Variants in HEPHL1 observed in about 807,000 individuals in gnomAD.
HEPHL1 encodes ferroxidase HEPHL1.
In HEPHL1, 123 loss-of-function variants were observed where a neutral mutation model predicts 122.0. The observed-to-expected ratio is 1.01, with a 90% CI of 0.87 to 1.17. The LOEUF (loss-of-function observed/expected upper bound fraction) is 1.17, where lower values mean the gene tolerates loss of function less well. HEPHL1 is among the 50% of genes most tolerant of loss of function. The pLI is 0.00. For synonymous variants in HEPHL1, 527 were observed against 508.9 expected (o/e 1.04, Z -0.48); for missense variants, 1,452 against 1,430.5 (o/e 1.01, Z -0.24).
chr11:94,104,025 G>A (rs1292294882), intron 15 of HEPHL1, among the ~76,000 whole-genome samples: 1 of 152,198 alleles, frequency 6.6e-6, no homozygotes, highest in African/African-American at 2.4e-5. Flanking sequence ...GTCCACACTT[G>A]TAACTGTAAT....
At position 94,082,554 on chromosome 11, in the gene HEPHL1, C is replaced by G. The variant is rs764831658; in HGVS notation, c.1853C>G (p.Ser618Cys). The G allele has an allele frequency of 5.0e-6, 8 of 1,610,336 alleles. No homozygotes were observed. The highest frequency in any genetic ancestry group is 6.8e-6 in the Non-Finnish European group (8 of 1,178,692). ...IDKEDKEFVK[S>C]NRMHAVNGYM... ...AAAGAAGATAAAGAGTTTGTGAAAT[C>G]CAACCGAATGCATGGTATGACAAAT... is the stretch of plus-strand genomic sequence containing the variant. The change falls in exon 10 of 20, where the codon TCC becomes TGC. Residue 618 changes from serine (S) to cysteine (C), a missense_variant. Transcript: ENST00000315765.
At chr11:94,090,417 C>T (rs1261812672) in intron 12 of HEPHL1, among the ~76,000 whole-genome samples, 1 of 152,068 alleles carries the variant, frequency 6.6e-6, no homozygotes, top group African/African-American at 2.4e-5. Flanking sequence ...AATATGAACT[C>T]CTACTTTAAG....
At chr11:94,045,186 G>A (rs1420718932) in intron 1 of HEPHL1, among the ~76,000 whole-genome samples, 1 of 152,228 alleles carries the variant, frequency 6.6e-6, no homozygotes, top group Admixed American at 6.5e-5. Context: ...GATTACAGGT[G>A]TGGACCACTA....
Position 94,075,359 on chromosome 11 carries a change from G to T in HEPHL1, c.1690G>T (p.Gly564Cys). Reference protein sequence around the residue: ...LVGPLLVCKKGVLNADGTQKG... With the variant: ...LVGPLLVCKKCVLNADGTQKG... ...AGGGCCTTTGCTAGTCTGTAAAAAG[G>T]GCGTCCTCAATGCTGATGGGACACA... is the stretch of plus-strand genomic sequence containing the variant. Residue 564 changes from glycine to cysteine, a missense_variant, in exon 9 of 20, where the codon GGC (glycine) becomes TGC (cysteine). Physicochemically the swap from Gly to Cys is radical, Grantham distance 159. Coordinates refer to ENST00000315765, the MANE Select transcript of HEPHL1 (RefSeq NM_001098672.2). 6.2e-7 allele frequency: 1 copy of T among 1,612,920 alleles called. No individual in the cohort carries two copies. Among genetic ancestry groups the T allele is most frequent in the Non-Finnish European group, 8.5e-7 (1 of 1,179,518 alleles).
At chr11:94,037,696 C>T (rs981606577) in intron 1 of HEPHL1, among the ~76,000 whole-genome samples, 36 of 152,074 alleles carry the variant, frequency 2.4e-4, no homozygotes, top group Non-Finnish European at 4.3e-4. Context: ...ACAGAAAGGA[C>T]ATCCACACCG....
At chr11:94,071,189 T>C (rs956469968) in intron 6 of HEPHL1, among the ~76,000 whole-genome samples, 6 of 152,154 alleles carry the variant, frequency 3.9e-5, no homozygotes, top group Non-Finnish European at 8.8e-5. Flanking sequence ...GACTTGTTAG[T>C]ATATAATCAT....
intron 2 of HEPHL1, among the ~76,000 whole-genome samples, chr11:94,049,112 C>T (rs1945866367): frequency 7.2e-6 from 1 of 138,984 alleles, no homozygotes; most frequent in Admixed American, 7.8e-5. Context: ...CAGAGCAAGA[C>T]TCCATCTCAA....
intron 1 of HEPHL1, among the ~76,000 whole-genome samples, chr11:94,032,680 G>C (rs1034883483): frequency 2.6e-5 from 4 of 152,086 alleles, no homozygotes; most frequent in African/African-American, 4.8e-5. Context: ...TAACCACCAG[G>C]TGATGGTCAG....
At chr11:94,111,179 A>G in intron 18 of HEPHL1, 114 bp downstream of exon 18, 1 of 789,428 alleles carries the variant, frequency 1.3e-6, no homozygotes, top group South Asian at 1.8e-5. Flanking sequence ...AGAGTCAAGT[A>G]AGAGAGACAT....
intron 2 of HEPHL1, among the ~76,000 whole-genome samples, chr11:94,052,273 T>G (rs1945897115): frequency 6.6e-6 from 1 of 152,080 alleles, no homozygotes; most frequent in Non-Finnish European, 1.5e-5. Context: ...TTTTCCATTT[T>G]TTTGTCCTCT....
chr11:94,100,121 ACTGGAG>A (rs895684608), intron 13 of HEPHL1, among the ~76,000 whole-genome samples: 4 of 152,180 alleles, frequency 2.6e-5, no homozygotes, highest in African/African-American at 9.7e-5. Flanking sequence ...GGAGCTGTAG[ACTGGAG>A]CTGTTCCTAT....
In HEPHL1 at chr11:94,078,670, C is replaced by T. The variant is rs187735131; in HGVS notation, c.1716+3285C>T. Among the ~76,000 whole-genome samples, 228 of 151,846 alleles carry T rather than the reference C, an allele frequency of 1.5e-3. 1 individual carries two copies. Among genetic ancestry groups the T allele is most frequent in the African/African-American group, 5.3e-3 (218 of 41,408 alleles). On this transcript the variant is annotated intron_variant, in intron 9 of 19. Transcript: ENST00000315765. ...CAACATTTTAGTTTAAGCATGAAGG[C>T]AAAAAGAAGCCAATGTCCTAGTTCA...
intron 1 of HEPHL1, among the ~76,000 whole-genome samples, chr11:94,034,752 G>T (rs1051628671): frequency 4.6e-5 from 7 of 152,212 alleles, no homozygotes; most frequent in African/African-American, 1.4e-4. Context: ...GCCACTGGGA[G>T]TAGGAGGGCC....
At chr11:94,033,003 C>A (rs1368542280) in intron 1 of HEPHL1, among the ~76,000 whole-genome samples, 1 of 152,134 alleles carries the variant, frequency 6.6e-6, no homozygotes, top group Non-Finnish European at 1.5e-5. Context: ...TATGGACAAC[C>A]CATGCCAAGG....
At chr11:94,051,535 T>C (rs1185164672) in intron 2 of HEPHL1, among the ~76,000 whole-genome samples, 1 of 152,148 alleles carries the variant, frequency 6.6e-6, no homozygotes, top group Non-Finnish European at 1.5e-5. Flanking sequence ...TTATATATTC[T>C]GGTTATTAAT....
intron 5 of HEPHL1, among the ~76,000 whole-genome samples, chr11:94,069,965 G>T (rs1028333901): frequency 6.6e-6 from 1 of 152,054 alleles, no homozygotes; most frequent in Non-Finnish European, 1.5e-5. Flanking sequence ...AGAATTATTA[G>T]TCTTTCTAAT....
intron 8 of HEPHL1, 101 bp downstream of exon 8, chr11:94,073,540 C>CCAAGCT: frequency 8.9e-7 from 1 of 1,121,934 alleles, no homozygotes; most frequent in Non-Finnish European, 1.3e-6. Context: ...CATTACCTGC[C>CCAAGCT]CTGAGAGCTT....
At position 94,075,338 on chromosome 11, in the gene HEPHL1, C is replaced by T. The variant is rs977799372; in HGVS notation, c.1669C>T (p.Pro557Ser). ...GGACACCAGCTCTGGCCTGGTAGGGCCTTTGCTAGTCTGTAAAAAGGGCGT... is the reference window on the plus strand; with the variant it reads ...GGACACCAGCTCTGGCCTGGTAGGGTCTTTGCTAGTCTGTAAAAAGGGCGT... ...IKDTSSGLVG[P>S]LLVCKKGVLN... The change falls in exon 9 of 20, where the codon CCT (proline) becomes TCT (serine). Residue 557 changes from proline (P) to serine (S), a missense_variant. Physicochemically the swap from Pro to Ser is moderately conservative, Grantham distance 74 (BLOSUM62 -1). Transcript: ENST00000315765. 1 of 1,613,354 alleles carries T rather than the reference C, an allele frequency of 6.2e-7. No homozygotes were observed. The highest frequency in any genetic ancestry group is 8.5e-7 in the Non-Finnish European group (1 of 1,179,596).
chr11:94,067,350 T>C (rs1946042541), intron 4 of HEPHL1, 146 bp from the exon 5 acceptor site: 2 of 707,750 alleles, frequency 2.8e-6, no homozygotes, highest in Non-Finnish European at 4.9e-6. Flanking sequence ...TATATATTTC[T>C]AAGAGCCAGG....
Sources: allele counts gnomAD v4.1 joint callset (sites outside exome capture counted in the v4.1 genomes callset), GRCh38; gene constraint gnomAD v4.1.1; transcripts MANE v1.5; gene names NCBI Gene and HGNC (gene_info 2026-07-23, HGNC 2026-07-21).